Variants in P2RY12 observed in about 807,000 individuals in gnomAD.
The protein encoded by P2RY12 is P2Y purinoceptor 12.
A neutral mutation model predicts 4.5 loss-of-function variants in P2RY12; 3 were observed. The ratio of observed to expected loss-of-function variants is 0.67; its 90% CI spans 0.31 to 1.74. P2RY12 has a LOEUF of 1.74. Among genes scored for constraint, P2RY12 ranks in the 40% most tolerant of loss-of-function variants. The pLI is 0.09. For missense variants in P2RY12, 356 were observed against 407.8 expected (o/e 0.87, Z 1.09); for synonymous variants, 148 against 154.1 (o/e 0.96, Z 0.29).
chr3:151,343,674 T>C (rs889291313), intron 1 of P2RY12, among the ~76,000 whole-genome samples: 4 of 152,232 alleles, frequency 2.6e-5, no homozygotes, highest in Non-Finnish European at 5.9e-5. Flanking sequence ...GGAACAGAGC[T>C]AACTTTGGTT....
rs1463725 is a variant in P2RY12, at chr3:151,365,135, T to C, written c.-180+19557A>G. ...TGCTGGGCAAGATCCTCAGTGACAA[T>C]GCGGCCAATCGCTACAGCTTTGTCT... On this transcript the variant is annotated intron_variant, in intron 1 of 2. Transcript: ENST00000302632. 0.078 allele frequency: 126,491 copies of C among 1,613,916 alleles called. 8,225 individuals are homozygous for C. Among genetic ancestry groups the C allele is most frequent in the East Asian group, 0.3 (13,261 of 44,864 alleles).
intron 1 of P2RY12, among the ~76,000 whole-genome samples, chr3:151,348,540 G>T: frequency 6.6e-6 from 1 of 150,866 alleles, no homozygotes; most frequent in East Asian, 1.9e-4. Flanking sequence ...TATTAAATAA[G>T]AACAGCTTCT....
At chr3:151,384,622 G>GT (rs1713007268) in intron 1 of P2RY12, 70 bp downstream of exon 1, 1 of 189,054 alleles carries the variant, frequency 5.3e-6, no homozygotes, top group Admixed American at 6.1e-5. Context: ...AAAAAAAATT[G>GT]TAAGAAAACA....
chr3:151,353,447 C>G (rs1243265197), intron 1 of P2RY12, among the ~76,000 whole-genome samples: 1 of 152,164 alleles, frequency 6.6e-6, no homozygotes, highest in Non-Finnish European at 1.5e-5. Context: ...AGTTCCTAAT[C>G]TTTGCATTAT....
chr3:151,338,471 C>G lies in P2RY12; in HGVS notation c.375G>C (p.Lys125Asn), dbSNP rs1469081778. 1.2e-6 allele frequency: 2 copies of G among 1,613,810 alleles called. No individual in the cohort carries two copies. The highest frequency in any genetic ancestry group is 1.7e-6 in the Non-Finnish European group (2 of 1,179,976). ...TGGATGTTTTAAATGGCCTGGTGGT[C>G]TTCTGGTAGCGATCGATAGTTATCA... is the stretch of plus-strand genomic sequence containing the variant. ...LGLITIDRYQ[K>N]TTRPFKTSNP... Residue 125 changes from lysine to asparagine, a missense_variant, in exon 3 of 3, where the codon AAG becomes AAC. Lys to Asn is a moderately conservative substitution (Grantham distance 94). Coordinates refer to ENST00000302632, the MANE Select transcript of P2RY12 (RefSeq NM_022788.5).
chr3:151,377,643 TA>T (rs1236293145), intron 1 of P2RY12, among the ~76,000 whole-genome samples: 2 of 152,214 alleles, frequency 1.3e-5, no homozygotes, highest in African/African-American at 4.8e-5. Context: ...TTTTAAACCT[TA>T]AAAATTAGCT....
intron 1 of P2RY12, chr3:151,380,328 G>T (rs1712029028): frequency 2.7e-6 from 2 of 748,358 alleles, no homozygotes; most frequent in South Asian, 3.6e-5. Context: ...CAGGTGTGGT[G>T]GCTCATGCCT....
At chr3:151,363,039 ACTC>A (rs1164677585) in intron 1 of P2RY12, among the ~76,000 whole-genome samples, 1 of 151,720 alleles carries the variant, frequency 6.6e-6, no homozygotes, top group Non-Finnish European at 1.5e-5. Context: ...GACCCTTAAT[ACTC>A]CTGCAGTGTG....
At chr3:151,350,010 A>G (rs1006472327) in intron 1 of P2RY12, 2 of 1,580,330 alleles carry the variant, frequency 1.3e-6, no homozygotes, top group Non-Finnish European at 8.6e-7. Context: ...ATGAAATGCA[A>G]CCCCACCCCT....
At chr3:151,340,513 T>G (rs1056312975) in intron 2 of P2RY12, 83 bp downstream of exon 2, 2 of 152,618 alleles carry the variant, frequency 1.3e-5, no homozygotes, top group African/African-American at 4.8e-5. Flanking sequence ...GTTTACAATT[T>G]TAAGAGAAAC....
intron 1 of P2RY12, among the ~76,000 whole-genome samples, chr3:151,380,986 A>G (rs1712228258): frequency 6.6e-6 from 1 of 152,216 alleles, no homozygotes; most frequent in African/African-American, 2.4e-5. Context: ...ATCAGAAGGC[A>G]TGTTGGTTTA....
intron 1 of P2RY12, among the ~76,000 whole-genome samples, chr3:151,374,508 AC>A (rs1328103439): frequency 1.1e-4 from 17 of 152,188 alleles, no homozygotes; most frequent in Non-Finnish European, 5.9e-5. Flanking sequence ...AGATTGCGCC[AC>A]TGCACTCCAG....
intron 1 of P2RY12, among the ~76,000 whole-genome samples, chr3:151,358,333 A>G (rs892011326): frequency 6.6e-6 from 1 of 152,128 alleles, no homozygotes; most frequent in Non-Finnish European, 1.5e-5. Context: ...TACTGTATAA[A>G]GTTTGAATTT....
intron 1 of P2RY12, chr3:151,365,968 A>G (rs1369939524): frequency 6.2e-7 from 1 of 1,611,404 alleles, no homozygotes. Flanking sequence ...GTGGGGGTTT[A>G]ATGATGTACT....
chr3:151,375,149 A>C (rs533826853), intron 1 of P2RY12, among the ~76,000 whole-genome samples: 3 of 152,336 alleles, frequency 2.0e-5, no homozygotes, highest in Admixed American at 2.0e-4. Context: ...TGGATGCCTA[A>C]AAAATTACTG....
intron 1 of P2RY12, chr3:151,367,584 T>C: frequency 6.9e-7 from 1 of 1,457,904 alleles, no homozygotes; most frequent in Non-Finnish European, 9.2e-7. Flanking sequence ...TCTTAGTTAT[T>C]AATCTTAGAT....
intron 1 of P2RY12, chr3:151,355,811 T>C: frequency 8.1e-7 from 1 of 1,238,864 alleles, no homozygotes; most frequent in South Asian, 1.6e-5. Flanking sequence ...TAGATTCAAC[T>C]GTCTTAAAAA....
chr3:151,352,159 C>G (rs983210636), intron 1 of P2RY12, among the ~76,000 whole-genome samples: 2 of 152,096 alleles, frequency 1.3e-5, no homozygotes, highest in Admixed American at 1.3e-4. Context: ...TTATTTTTCT[C>G]TTGGGGATGC....
chr3:151,354,002 G>A (rs532453794), intron 1 of P2RY12, among the ~76,000 whole-genome samples: 12 of 112,360 alleles, frequency 1.1e-4, no homozygotes, highest in South Asian at 6.1e-4. Context: ...TTAGCCGGGC[G>A]TAGTGGCGGG....
Sources: allele counts gnomAD v4.1 joint callset (sites outside exome capture counted in the v4.1 genomes callset), GRCh38; gene constraint gnomAD v4.1.1; transcripts MANE v1.5; gene names NCBI Gene and HGNC (gene_info 2026-07-23, HGNC 2026-07-21).